The following HPSE2 variants were observed in gnomAD, a reference collection of about 807,000 sequenced individuals.
The protein encoded by HPSE2 is inactive heparanase-2.
HPSE2 carries 38 observed loss-of-function variants against 60.5 expected under a neutral mutation model. That is an observed-to-expected ratio of 0.63 (90% CI 0.48 to 0.82). The LOEUF (loss-of-function observed/expected upper bound fraction) is 0.82. HPSE2 is among the 40% of genes least tolerant of loss of function. The probability of loss-of-function intolerance (pLI) is 0.00; values close to 1 mark genes in which losing one functional copy is unlikely to be tolerated. For missense variants in HPSE2, 713 were observed against 740.4 expected, an observed-to-expected ratio of 0.96 and a Z score of 0.43; for synonymous variants, 295 against 293.2, an observed-to-expected ratio of 1.01 and a Z score of -0.06.
At chr10:99,108,342 C>G (rs1589668990) in intron 3 of HPSE2, among the ~76,000 whole-genome samples, 1 of 151,594 alleles carries the variant, frequency 6.6e-6, no homozygotes, top group Admixed American at 6.6e-5. Flanking sequence ...TAAAAAGAGG[C>G]CATACTGAAA....
chr10:98,853,007 TCTGA>T (rs1259788491), intron 3 of HPSE2, among the ~76,000 whole-genome samples: 2 of 152,262 alleles, frequency 1.3e-5, no homozygotes, highest in African/African-American at 4.8e-5. Context: ...CCTTATGTTG[TCTGA>T]CTGAGCTACA....
In HPSE2 at chr10:98,938,573, T is replaced by C. The variant is rs1210120852; in HGVS notation, c.611-194517A>G. On this transcript the variant is annotated intron_variant, in intron 3 of 11. Coordinates refer to ENST00000370552, the MANE Select transcript of HPSE2 (RefSeq NM_021828.5). ...AAAAACAAACAAAGCCTCCAAGTAA[T>C]ATGGGACTATGTGAAAAGACCAAAT... Among the ~76,000 whole-genome samples, 3 of 143,660 alleles carry C rather than the reference T, an allele frequency of 2.1e-5. 1 individual carries two copies. Among genetic ancestry groups the C allele is most frequent in the African/African-American group, 5.7e-5 (2 of 35,254 alleles). 94.2% of individuals were successfully genotyped at this position (143,660 alleles called of 152,430 possible). A position where few individuals can be genotyped will look rare whatever the true frequency, so the allele number is the denominator to read the frequency against.
At chr10:99,176,378 AAGGTTAGACGAATTGCT>A (rs780482274) in intron 2 of HPSE2, among the ~76,000 whole-genome samples, 24 of 152,300 alleles carry the variant, frequency 1.6e-4, no homozygotes, top group East Asian at 9.7e-4. Context: ...ACCTTGAAAA[AAGGTTAGACGAATTGCT>A]AACTAGAATA....
intron 3 of HPSE2, among the ~76,000 whole-genome samples, chr10:98,943,066 C>T (rs996599977): frequency 1.4e-4 from 17 of 119,700 alleles, no homozygotes; most frequent in African/African-American, 5.0e-4. Flanking sequence ...GAACATCACA[C>T]TCTGGGGACT....
At chr10:98,901,829 A>T (rs1204067516) in intron 3 of HPSE2, among the ~76,000 whole-genome samples, 1 of 152,192 alleles carries the variant, frequency 6.6e-6, no homozygotes. Flanking sequence ...AAATATTCAT[A>T]ATAATAGCAC....
At chr10:98,639,091 G>T (rs765513539) in intron 7 of HPSE2, among the ~76,000 whole-genome samples, 1 of 152,172 alleles carries the variant, frequency 6.6e-6, no homozygotes, top group Non-Finnish European at 1.5e-5. Flanking sequence ...ACAGGATATG[G>T]CTAATGTGAT....
intron 5 of HPSE2, among the ~76,000 whole-genome samples, chr10:98,715,647 G>A (rs1948772575): frequency 6.6e-6 from 1 of 151,952 alleles, no homozygotes; most frequent in Non-Finnish European, 1.5e-5. Context: ...TAAGAGTTAT[G>A]TTTACACTAT....
intron 3 of HPSE2, among the ~76,000 whole-genome samples, chr10:99,005,786 T>G (rs1956878160): frequency 6.6e-6 from 1 of 152,086 alleles, no homozygotes. Context: ...TTCACTCTAG[T>G]TTTTGCTGAC....
intron 3 of HPSE2, among the ~76,000 whole-genome samples, chr10:99,133,294 G>A (rs996333511): frequency 1.3e-5 from 2 of 152,178 alleles, no homozygotes; most frequent in Non-Finnish European, 2.9e-5. Flanking sequence ...TGGGGAAAGG[G>A]GCAGCTGTGG....
intron 9 of HPSE2, among the ~76,000 whole-genome samples, chr10:98,592,062 T>C (rs1211615319): frequency 2.0e-5 from 3 of 152,356 alleles, no homozygotes; most frequent in East Asian, 3.9e-4. Flanking sequence ...GAACTTAAGC[T>C]TCAGTTTCTC....
intron 3 of HPSE2, among the ~76,000 whole-genome samples, chr10:98,883,780 G>A (rs1219730425): frequency 6.6e-6 from 1 of 151,968 alleles, no homozygotes; most frequent in Non-Finnish European, 1.5e-5. Context: ...CTCTAGCCTG[G>A]GAGACACAGC....
chr10:99,086,155 C>T (rs1433179019), intron 3 of HPSE2, among the ~76,000 whole-genome samples: 6 of 152,048 alleles, frequency 3.9e-5, no homozygotes, highest in Admixed American at 1.3e-4. Flanking sequence ...TATAGTATGT[C>T]TGGCCCCTTC....
At chr10:98,561,580 G>C (rs1430011702) in intron 9 of HPSE2, among the ~76,000 whole-genome samples, 1 of 152,204 alleles carries the variant, frequency 6.6e-6, no homozygotes, top group Non-Finnish European at 1.5e-5. Context: ...AGGTGCAGTG[G>C]CTCATGCCTA....
intron 3 of HPSE2, among the ~76,000 whole-genome samples, chr10:98,990,891 T>C (rs896282334): frequency 6.6e-6 from 1 of 152,184 alleles, no homozygotes; most frequent in Non-Finnish European, 1.5e-5. Context: ...TCTTAGTTTA[T>C]TCTTCAGAAC....
intron 2 of HPSE2, among the ~76,000 whole-genome samples, chr10:99,186,496 T>C (rs1376167891): frequency 8.2e-6 from 1 of 122,168 alleles, no homozygotes; most frequent in Non-Finnish European, 1.6e-5. Context: ...TGAGCCAAGA[T>C]TACGCCAGTG....
chr10:99,180,032 T>C (rs191923814), intron 2 of HPSE2, among the ~76,000 whole-genome samples: 2 of 152,304 alleles, frequency 1.3e-5, no homozygotes, highest in Non-Finnish European at 2.9e-5. Flanking sequence ...ATTTAATAAA[T>C]GGTGTTGGGA....
chr10:99,187,695 A>G (rs1243629900), intron 2 of HPSE2, among the ~76,000 whole-genome samples: 2 of 152,248 alleles, frequency 1.3e-5, no homozygotes, highest in Admixed American at 6.5e-5. Context: ...GATACTACTG[A>G]ATACTCACTA....
intron 3 of HPSE2, among the ~76,000 whole-genome samples, chr10:98,833,560 T>C (rs947174213): frequency 6.6e-6 from 1 of 152,230 alleles, no homozygotes; most frequent in Non-Finnish European, 1.5e-5. Context: ...CACTAGTTCA[T>C]TTAATACTTA....
chr10:99,244,010 TTG>T, the HPSE2 span, among the ~76,000 whole-genome samples: 4 of 152,084 alleles, frequency 2.6e-5, no homozygotes, highest in African/African-American at 9.7e-5. Flanking sequence ...TGTAATACAA[TTG>T]TGTTTGTCAA....
Sources: allele counts gnomAD v4.1 joint callset (sites outside exome capture counted in the v4.1 genomes callset), GRCh38; gene constraint gnomAD v4.1.1; transcripts MANE v1.5; gene names NCBI Gene and HGNC (gene_info 2026-07-23, HGNC 2026-07-21).